The following LARP1B variants were observed in gnomAD, a reference collection of about 807,000 sequenced individuals.
LARP1B encodes the protein La ribonucleoprotein 1B, also known as la-related protein 1B.
LARP1B carries 76 observed loss-of-function variants against 114.2 expected under a neutral mutation model. That is an observed-to-expected ratio of 0.67 (90% CI 0.55 to 0.81). The LOEUF is 0.81. Ranked by LOEUF, LARP1B falls within the 30% of genes least tolerant of loss-of-function variation. The pLI is 0.00. For synonymous variants in LARP1B, 345 were observed against 348.0 expected (o/e 0.99, Z 0.10); for missense variants, 1,014 against 1,075.8 (o/e 0.94, Z 0.80).
At chr4:128,090,074 CTT>C (rs778984219) in intron 5 of LARP1B, among the ~76,000 whole-genome samples, 49 of 119,070 alleles carry the variant, frequency 4.1e-4, no homozygotes, top group Middle Eastern at 6.6e-3. Context: ...CACCGGGCCT[CTT>C]TTTTTTTTTT....
chr4:128,160,412 A>G (rs567931923), intron 11 of LARP1B, among the ~76,000 whole-genome samples: 1 of 152,330 alleles, frequency 6.6e-6, no homozygotes, highest in African/African-American at 2.4e-5. Flanking sequence ...ACCAGAAGGG[A>G]CATGAAAAGG....
intron 9 of LARP1B, among the ~76,000 whole-genome samples, chr4:128,114,100 T>C (rs577772651): frequency 6.6e-6 from 1 of 152,256 alleles, no homozygotes; most frequent in Non-Finnish European, 1.5e-5. Flanking sequence ...GCCAAGGAAA[T>C]GTGAAAAGTA....
intron 4 of LARP1B, 57 bp downstream of exon 4, chr4:128,078,019 G>A: frequency 1.7e-6 from 2 of 1,177,346 alleles, no homozygotes; most frequent in South Asian, 2.0e-5. Context: ...TTGTAATGAG[G>A]AATTACATTT....
intron 11 of LARP1B, among the ~76,000 whole-genome samples, chr4:128,139,935 A>G (rs1727235927): frequency 6.6e-6 from 1 of 152,144 alleles, no homozygotes; most frequent in Admixed American, 6.5e-5. Context: ...TCCACTCAGG[A>G]ATATATTCTC....
intron 15 of LARP1B, among the ~76,000 whole-genome samples, chr4:128,189,080 G>T (rs1751323794): frequency 6.6e-6 from 1 of 151,998 alleles, no homozygotes; most frequent in Non-Finnish European, 1.5e-5. Context: ...GTCCATTATT[G>T]AGAGATGGGT....
chr4:128,093,077 A>G (rs950362078), intron 7 of LARP1B: 4 of 980,738 alleles, frequency 4.1e-6, no homozygotes, highest in East Asian at 1.1e-4. Flanking sequence ...AATGTCAGAC[A>G]TGGCATTGGT....
chr4:128,200,016 G>A (rs1485883175), intron 16 of LARP1B, among the ~76,000 whole-genome samples: 1 of 152,188 alleles, frequency 6.6e-6, no homozygotes, highest in Non-Finnish European at 1.5e-5. Flanking sequence ...GACCTGGGAG[G>A]CAGAGGTTGC....
downstream of LARP1B, among the ~76,000 whole-genome samples, chr4:128,214,636 C>T (rs1477567389): frequency 2.4e-5 from 3 of 122,880 alleles, no homozygotes; most frequent in African/African-American, 9.4e-5. Flanking sequence ...ACCGAAAACC[C>T]ATCTGTACAT....
intron 1 of LARP1B, among the ~76,000 whole-genome samples, chr4:128,066,397 C>T (rs1762875758): frequency 6.6e-6 from 1 of 151,528 alleles, no homozygotes; most frequent in African/African-American, 2.4e-5. Context: ...CCAGGATGGT[C>T]TCGATCTGCT....
At chr4:128,151,972 CAT>C (rs770558854) in intron 11 of LARP1B, among the ~76,000 whole-genome samples, 3 of 152,130 alleles carry the variant, frequency 2.0e-5, no homozygotes, top group Admixed American at 6.5e-5. Flanking sequence ...TCTCCAGAGA[CAT>C]GTGATGTCAG....
chr4:128,078,030 C>A, intron 4 of LARP1B, 68 bp downstream of exon 4: 1 of 1,040,098 alleles, frequency 9.6e-7, no homozygotes, highest in Non-Finnish European at 1.4e-6. Context: ...AATTACATTT[C>A]ATTAACTGAT....
At chr4:128,196,319 C>A (rs1225715246) in intron 15 of LARP1B, among the ~76,000 whole-genome samples, 1 of 147,060 alleles carries the variant, frequency 6.8e-6, no homozygotes, top group African/African-American at 2.5e-5. Context: ...AAAATTAACA[C>A]CCAGCCTGCG....
At chr4:128,124,299 AG>A (rs1788908692) in intron 11 of LARP1B, among the ~76,000 whole-genome samples, 1 of 152,224 alleles carries the variant, frequency 6.6e-6, no homozygotes, top group African/African-American at 2.4e-5. Flanking sequence ...TATTTCATTG[AG>A]TAGTCAGGGA....
intron 8 of LARP1B, among the ~76,000 whole-genome samples, chr4:128,103,904 G>C (rs888315228): frequency 1.3e-5 from 2 of 149,736 alleles, no homozygotes; most frequent in African/African-American, 4.9e-5. Flanking sequence ...GTTGGAAGAG[G>C]CTTTAGTAGC....
At chr4:128,092,731 A>G (rs1776337827) in intron 7 of LARP1B, 1 of 984,436 alleles carries the variant, frequency 1.0e-6, no homozygotes, top group African/African-American at 1.7e-5. Context: ...ATTTGCTTAC[A>G]GTGTGGAGCA....
intron 12 of LARP1B, among the ~76,000 whole-genome samples, chr4:128,165,601 A>G (rs1325251781): frequency 6.6e-6 from 1 of 152,116 alleles, no homozygotes; most frequent in African/African-American, 2.4e-5. Context: ...AGGCATAAAG[A>G]AGGAGTTTAT....
chr4:128,093,422 C>T (rs180701030), intron 7 of LARP1B, among the ~76,000 whole-genome samples: 2,654 of 152,036 alleles, frequency 0.017, 65 homozygotes, highest in East Asian at 0.1. Flanking sequence ...CAGTGAAACC[C>T]CGTCTCTACT....
At chr4:128,065,307 TTCTTTCTTTCTCTC>T (rs1189665957) in intron 1 of LARP1B, among the ~76,000 whole-genome samples, 2 of 101,402 alleles carry the variant, frequency 2.0e-5, no homozygotes, top group African/African-American at 3.4e-5. Context: ...CTTTCTTTCT[TTCTTTCTTTCTCTC>T]TCTCTCTCTC....
intron 5 of LARP1B, among the ~76,000 whole-genome samples, chr4:128,088,295 A>G (rs1025430335): frequency 2.6e-5 from 4 of 152,152 alleles, no homozygotes; most frequent in Non-Finnish European, 5.9e-5. Flanking sequence ...GCACTCTGCA[A>G]TTTCATCCCA....
Sources: allele counts gnomAD v4.1 joint callset (sites outside exome capture counted in the v4.1 genomes callset), GRCh38; gene constraint gnomAD v4.1.1; transcripts MANE v1.5; gene names NCBI Gene and HGNC (gene_info 2026-07-23, HGNC 2026-07-21).